The following SLC24A2 variants were observed in gnomAD, a reference collection of about 807,000 sequenced individuals.
SLC24A2 encodes solute carrier family 24 member 2, also known as sodium/potassium/calcium exchanger 2.
A neutral mutation model predicts 62.0 loss-of-function variants in SLC24A2; 36 were observed. The observed-to-expected ratio is 0.58, with a 90% CI of 0.44 to 0.77. The LOEUF is 0.77. Ranked by LOEUF, SLC24A2 falls within the 30% of genes least tolerant of loss-of-function variation. The probability of loss-of-function intolerance (pLI) is 0.00; values close to 1 mark genes in which losing one functional copy is unlikely to be tolerated. For missense variants in SLC24A2, 846 were observed against 817.9 expected, an observed-to-expected ratio of 1.03 and a Z score of -0.42; for synonymous variants, 358 against 294.0, an observed-to-expected ratio of 1.22 and a Z score of -2.23.
chr9:19,603,396 T>A (rs960385110), intron 4 of SLC24A2, among the ~76,000 whole-genome samples: 5 of 152,166 alleles, frequency 3.3e-5, no homozygotes, highest in Non-Finnish European at 5.9e-5. Flanking sequence ...CTGCTTTTTT[T>A]AAAAAGGATT....
chr9:20,109,954 T>C, the SLC24A2 span, among the ~76,000 whole-genome samples: 1 of 152,180 alleles, frequency 6.6e-6, no homozygotes, highest in East Asian at 1.9e-4. Context: ...TTTCCTCATG[T>C]TTATGCAGTT....
chr9:20,126,753 T>C, the SLC24A2 span, among the ~76,000 whole-genome samples: 2 of 152,170 alleles, frequency 1.3e-5, no homozygotes, highest in Non-Finnish European at 2.9e-5. Flanking sequence ...TTTATGTTCA[T>C]GCATATCCTT....
chr9:19,575,227 A>G (rs1014899235), intron 6 of SLC24A2, among the ~76,000 whole-genome samples: 2 of 152,238 alleles, frequency 1.3e-5, no homozygotes, highest in African/African-American at 4.8e-5. Flanking sequence ...GATGTGCTGC[A>G]TGTGGCTATG....
the SLC24A2 span, among the ~76,000 whole-genome samples, chr9:19,873,486 TCCTTC>T: frequency 1.5e-5 from 2 of 136,182 alleles, no homozygotes; most frequent in African/African-American, 5.1e-5. Context: ...TCTCCTTCCT[TCCTTC>T]TCTTTCTTTC....
chr9:19,556,711 G>T (rs1281538553), intron 7 of SLC24A2, among the ~76,000 whole-genome samples: 1 of 151,946 alleles, frequency 6.6e-6, no homozygotes, highest in Non-Finnish European at 1.5e-5. Context: ...AATGATGCTG[G>T]GTCAAAATAG....
chr9:20,271,570 T>C, the SLC24A2 span, among the ~76,000 whole-genome samples: 1 of 152,242 alleles, frequency 6.6e-6, no homozygotes, highest in South Asian at 2.1e-4. Context: ...ACAGCACTGC[T>C]AGGTGCAATA....
intron 2 of SLC24A2, among the ~76,000 whole-genome samples, chr9:19,657,919 G>A (rs765796243): frequency 2.0e-5 from 3 of 152,100 alleles, no homozygotes; most frequent in Non-Finnish European, 4.4e-5. Context: ...CTGTAGAGAT[G>A]AGGTCTCACT....
At chr9:20,247,124 C>T in the SLC24A2 span, among the ~76,000 whole-genome samples, 1 of 152,204 alleles carries the variant, frequency 6.6e-6, no homozygotes, top group African/African-American at 2.4e-5. Flanking sequence ...ATGAAATCTT[C>T]ACAGGTTTCT....
chr9:19,698,753 T>C (rs7862478), intron 2 of SLC24A2, among the ~76,000 whole-genome samples: 56,075 of 151,974 alleles, frequency 0.37, 11,975 homozygotes, highest in African/African-American at 0.6. Flanking sequence ...ACACACAGAG[T>C]TCACTCTCTG....
At chr9:20,149,063 G>A in the SLC24A2 span, among the ~76,000 whole-genome samples, 1 of 151,988 alleles carries the variant, frequency 6.6e-6, no homozygotes. Context: ...TTTAACAGGA[G>A]GCAATGAGGG....
chr9:19,530,168 A>C (rs1273833914), intron 8 of SLC24A2, among the ~76,000 whole-genome samples: 1 of 150,864 alleles, frequency 6.6e-6, no homozygotes, highest in Non-Finnish European at 1.5e-5. Flanking sequence ...AAGTTTTCCA[A>C]GGCATTTAGC....
chr9:20,101,836 T>C, the SLC24A2 span, among the ~76,000 whole-genome samples: 5 of 152,110 alleles, frequency 3.3e-5, no homozygotes, highest in African/African-American at 1.2e-4. Context: ...TATAAAGAAG[T>C]GATCCCAATG....
At chr9:19,759,389 T>C (rs1822243998) in intron 2 of SLC24A2, among the ~76,000 whole-genome samples, 1 of 152,176 alleles carries the variant, frequency 6.6e-6, no homozygotes, top group Non-Finnish European at 1.5e-5. Flanking sequence ...GATCAAGGAA[T>C]AGATTAATAT....
At chr9:19,949,240 C>T in the SLC24A2 span, among the ~76,000 whole-genome samples, 5 of 152,008 alleles carry the variant, frequency 3.3e-5, no homozygotes, top group Admixed American at 1.3e-4. Context: ...GTGATCTGCA[C>T]GCCTCGGCCT....
chr9:20,224,879 G>A, the SLC24A2 span, among the ~76,000 whole-genome samples: 4 of 151,164 alleles, frequency 2.6e-5, no homozygotes, highest in East Asian at 8.2e-4. Context: ...CTTGCCCTTG[G>A]CTGATGGGAG....
At chr9:19,853,249 G>A in the SLC24A2 span, among the ~76,000 whole-genome samples, 9 of 152,152 alleles carry the variant, frequency 5.9e-5, no homozygotes, top group East Asian at 3.8e-4. Context: ...CATGTCATCT[G>A]TAAACAGAGA....
the SLC24A2 span, among the ~76,000 whole-genome samples, chr9:19,841,561 C>T: frequency 6.6e-6 from 1 of 152,194 alleles, no homozygotes; most frequent in African/African-American, 2.4e-5. Flanking sequence ...CAATTTATTA[C>T]CTCTCAGCTC....
At chr9:20,191,880 G>T in the SLC24A2 span, among the ~76,000 whole-genome samples, 3 of 151,990 alleles carry the variant, frequency 2.0e-5, no homozygotes, top group Admixed American at 6.6e-5. Flanking sequence ...ATTTTAGGAG[G>T]GTACACACAT....
chr9:20,219,768 A>G, the SLC24A2 span, among the ~76,000 whole-genome samples: 1 of 152,192 alleles, frequency 6.6e-6, no homozygotes, highest in Non-Finnish European at 1.5e-5. Context: ...CTGAAAATTT[A>G]CTAGACTTGC....
Sources: allele counts gnomAD v4.1 joint callset (sites outside exome capture counted in the v4.1 genomes callset), GRCh38; gene constraint gnomAD v4.1.1; transcripts MANE v1.5; gene names NCBI Gene and HGNC (gene_info 2026-07-23, HGNC 2026-07-21).